INPP5F: variants seen among roughly 807,000 people sequenced by gnomAD.
INPP5F encodes inositol polyphosphate-5-phosphatase F, also known as phosphatidylinositide 4-phosphatase SAC2.
Under a neutral mutation model 137.2 loss-of-function variants are expected in INPP5F, and 97 were observed. The observed-to-expected ratio is 0.71, with a 90% CI of 0.60 to 0.84. INPP5F has a LOEUF of 0.84. Ranked by LOEUF, INPP5F falls within the 40% of genes least tolerant of loss-of-function variation. The pLI is 0.00. For missense variants in INPP5F, 1,271 were observed against 1,371.9 expected (o/e 0.93, Z 1.16); for synonymous variants, 504 against 476.9 (o/e 1.06, Z -0.74).
At chr10:119,753,274 C>T (rs1848739693) in intron 2 of INPP5F, among the ~76,000 whole-genome samples, 1 of 152,144 alleles carries the variant, frequency 6.6e-6, no homozygotes, top group Admixed American at 6.5e-5. Flanking sequence ...GTGAATAAAT[C>T]ACTGCAATCA....
chr10:119,784,110 C>CT (rs1442924263), intron 3 of INPP5F, among the ~76,000 whole-genome samples: 2 of 152,208 alleles, frequency 1.3e-5, no homozygotes, highest in East Asian at 3.8e-4. Context: ...ACTTTATTAT[C>CT]TTTTAACATG....
intron 2 of INPP5F, among the ~76,000 whole-genome samples, chr10:119,775,117 A>G (rs1849481430): frequency 6.6e-6 from 1 of 152,116 alleles, no homozygotes; most frequent in South Asian, 2.1e-4. Flanking sequence ...GGTGGTTGGA[A>G]TTTTTCTTCA....
chr10:119,814,855 T>C (rs187988745), intron 15 of INPP5F, among the ~76,000 whole-genome samples: 2 of 152,252 alleles, frequency 1.3e-5, no homozygotes, highest in African/African-American at 4.8e-5. Flanking sequence ...TGTTTGTTTC[T>C]TGTTTCTTCT....
chr10:119,819,613 G>A lies in INPP5F; in HGVS notation c.1887-1233G>A, dbSNP rs149449831. On this transcript the variant is annotated intron_variant, in intron 15 of 19. Coordinates refer to ENST00000650623, the MANE Select transcript of INPP5F (RefSeq NM_014937.4). ...TATTCTCTATGAAGCTGTCTGGATC[G>A]GTCTCCTTTTCCCATTGGTTAATTG... The A allele has an allele frequency of 1.0e-3, 1,294 of 1,232,568 alleles. 16 individuals carry two copies. The African/African-American group carries it at 0.018, about 17-fold the overall frequency. 76.4% of individuals were successfully genotyped at this position (1,232,568 alleles called of 1,614,324 possible). A position where few individuals can be genotyped will look rare whatever the true frequency, so the allele number is the denominator to read the frequency against.
intron 1 of INPP5F, among the ~76,000 whole-genome samples, chr10:119,734,053 A>G (rs1848157653): frequency 6.6e-6 from 1 of 152,198 alleles, no homozygotes; most frequent in Non-Finnish European, 1.5e-5. Context: ...TTGCCACCTA[A>G]AAAAGTCATG....
chr10:119,742,013 G>T (rs979878327), intron 1 of INPP5F, among the ~76,000 whole-genome samples: 1 of 152,110 alleles, frequency 6.6e-6, no homozygotes, highest in South Asian at 2.1e-4. Flanking sequence ...TAGAGATGGG[G>T]TTTCCTCATG....
chr10:119,797,048 C>A, intron 7 of INPP5F, 135 bp downstream of exon 7: 3 of 848,548 alleles, frequency 3.5e-6, no homozygotes, highest in South Asian at 1.6e-5. Flanking sequence ...ACTCTAAATA[C>A]TGTGATGTAA....
intron 2 of INPP5F, among the ~76,000 whole-genome samples, chr10:119,758,019 C>T (rs1848901434): frequency 6.6e-6 from 1 of 152,176 alleles, no homozygotes. Flanking sequence ...GGAGTACCTA[C>T]TGTGTCCCAT....
intron 2 of INPP5F, among the ~76,000 whole-genome samples, chr10:119,769,914 C>T (rs1849287695): frequency 6.6e-6 from 1 of 152,046 alleles, no homozygotes; most frequent in African/African-American, 2.4e-5. Flanking sequence ...AATAAATCTC[C>T]TCTCATTTAT....
chr10:119,738,648 TACACACAC>T (rs57713774), intron 1 of INPP5F, among the ~76,000 whole-genome samples: 66,746 of 150,220 alleles, frequency 0.44, 14,716 homozygotes, highest in East Asian at 0.59. Flanking sequence ...AGATTTTAAA[TACACACAC>T]ACACACACAC....
At chr10:119,789,185 A>G (rs1305352713) in intron 3 of INPP5F, among the ~76,000 whole-genome samples, 1 of 151,258 alleles carries the variant, frequency 6.6e-6, no homozygotes, top group Middle Eastern at 3.2e-3. Flanking sequence ...AAACTGCGCC[A>G]TTACACTCCA....
At chr10:119,750,983 A>T in intron 1 of INPP5F, 93 bp from the exon 2 acceptor site, 1 of 804,266 alleles carries the variant, frequency 1.2e-6, no homozygotes, top group East Asian at 2.5e-5. Context: ...CTTTTTTGGG[A>T]CATTGATTTT....
At chr10:119,812,149 C>T (rs1329362994) in intron 15 of INPP5F, among the ~76,000 whole-genome samples, 194 bp downstream of exon 15, 3 of 152,196 alleles carry the variant, frequency 2.0e-5, no homozygotes, top group Non-Finnish European at 2.9e-5. Context: ...GTTCTAAAAA[C>T]TTGGTAATGA....
intron 1 of INPP5F, among the ~76,000 whole-genome samples, chr10:119,749,981 C>G (rs1374161231): frequency 1.3e-5 from 2 of 152,086 alleles, no homozygotes; most frequent in African/African-American, 4.8e-5. Context: ...TGTGGGCCAG[C>G]TGGTCTCGAA....
chr10:119,765,914 C>T (rs1849153485), intron 2 of INPP5F, among the ~76,000 whole-genome samples: 1 of 148,874 alleles, frequency 6.7e-6, no homozygotes, highest in Non-Finnish European at 1.5e-5. Flanking sequence ...GATTTAACAT[C>T]TATACCGAAA....
At chr10:119,820,426 T>C (rs561520882) in intron 15 of INPP5F, among the ~76,000 whole-genome samples, 1 of 152,222 alleles carries the variant, frequency 6.6e-6, no homozygotes, top group Non-Finnish European at 1.5e-5. Context: ...TGTAAAGATA[T>C]CCTGAATGTA....
intron 1 of INPP5F, among the ~76,000 whole-genome samples, chr10:119,741,322 C>T (rs1341035989): frequency 2.6e-5 from 4 of 152,262 alleles, no homozygotes; most frequent in East Asian, 1.9e-4. Flanking sequence ...CTGGAGGAAG[C>T]GGCTCCTGAA....
At position 119,792,021 on chromosome 10, in the gene INPP5F, G is replaced by GC; in HGVS notation, c.601dup (p.Leu201ProfsTer6). ...AGAGCACTGGGGAGAGGGACGGTCG[G>GC]CCCCTCTGGCAGAAGGTACCACTCA... On this transcript the variant is annotated frameshift_variant, in exon 5 of 20. Coordinates refer to ENST00000650623, the MANE Select transcript of INPP5F (RefSeq NM_014937.4). LOFTEE classifies it high-confidence loss of function. The GC allele has an allele frequency of 6.2e-7, 1 of 1,614,208 alleles. No homozygotes were observed. The highest frequency in any genetic ancestry group is 8.5e-7 in the Non-Finnish European group (1 of 1,180,036).
rs1554889600 is a variant in INPP5F at position 119,785,302 on chromosome 10, T to TTTTTTTTTTTTTTTTTTG, written c.315+3531_315+3532insTTTTTTTTTTTTTTTTTG. Among the ~76,000 whole-genome samples, 15 of 147,730 alleles carry TTTTTTTTTTTTTTTTTTG rather than the reference T, an allele frequency of 1.0e-4. 1 individual carries two copies. Among genetic ancestry groups the TTTTTTTTTTTTTTTTTTG allele is most frequent in the African/African-American group, 3.5e-4 (14 of 39,704 alleles). Reference sequence around the variant, plus strand: ...TGCCAGACTGTTTTTTTTTTTTTTTTGGAGACGGAGCCTCGCTCTGTCGCC... The same window carrying TTTTTTTTTTTTTTTTTTG: ...TGCCAGACTGTTTTTTTTTTTTTTTTTTTTTTTTTTTTTTTTTGGGAGACGGAGCCTCGCTCTGTCGCC... On this transcript the variant is annotated intron_variant, in intron 3 of 19. Transcript: ENST00000650623.
Sources: allele counts gnomAD v4.1 joint callset (sites outside exome capture counted in the v4.1 genomes callset), GRCh38; gene constraint gnomAD v4.1.1; transcripts MANE v1.5; gene names NCBI Gene and HGNC (gene_info 2026-07-23, HGNC 2026-07-21).